The following RALGAPA2 variants were observed in gnomAD, a reference collection of about 807,000 sequenced individuals.
The protein encoded by RALGAPA2 is ral GTPase-activating protein subunit alpha-2.
RALGAPA2 carries 139 observed loss-of-function variants against 230.4 expected under a neutral mutation model. The ratio of observed to expected loss-of-function variants is 0.60; its 90% confidence interval spans 0.53 to 0.69. The LOEUF (loss-of-function observed/expected upper bound fraction) is 0.69, where lower values mean the gene tolerates loss of function less well. RALGAPA2 is among the 30% of genes least tolerant of loss of function. The pLI is 0.00. For missense variants in RALGAPA2, 2,163 were observed against 2,276.0 expected, an observed-to-expected ratio of 0.95 and a Z score of 1.01; for synonymous variants, 847 against 837.8, an observed-to-expected ratio of 1.01 and a Z score of -0.19.
chr20:20,657,576 T>G (rs2067632071), intron 3 of RALGAPA2, among the ~76,000 whole-genome samples: 1 of 152,214 alleles, frequency 6.6e-6, no homozygotes, highest in Non-Finnish European at 1.5e-5. Context: ...TACTGGCAGT[T>G]TCTCAACAGC....
chr20:20,637,576 T>C, intron 7 of RALGAPA2, 75 bp from the exon 8 acceptor site: 2 of 1,292,218 alleles, frequency 1.5e-6, no homozygotes, highest in Non-Finnish European at 2.1e-6. Flanking sequence ...GAAGTGTTGT[T>C]ATGTTACTAA....
chr20:20,638,763 A>T (rs2066938238), intron 7 of RALGAPA2, among the ~76,000 whole-genome samples: 1 of 152,236 alleles, frequency 6.6e-6, no homozygotes, highest in Non-Finnish European at 1.5e-5. Context: ...AGCATGCCCC[A>T]GTCAGGTTCT....
intron 15 of RALGAPA2, among the ~76,000 whole-genome samples, chr20:20,602,361 C>G (rs973551138): frequency 6.6e-6 from 1 of 152,202 alleles, no homozygotes; most frequent in Non-Finnish European, 1.5e-5. Flanking sequence ...ATACAAAATC[C>G]TATTTTAGCA....
intron 36 of RALGAPA2, among the ~76,000 whole-genome samples, chr20:20,474,852 T>C (rs1439037155): frequency 1.3e-5 from 2 of 152,176 alleles, no homozygotes; most frequent in African/African-American, 4.8e-5. Flanking sequence ...AGGCCTAGGT[T>C]GAAGCTGTTC....
At chr20:20,527,607 C>A (rs1257851129) in intron 27 of RALGAPA2, among the ~76,000 whole-genome samples, 1 of 151,974 alleles carries the variant, frequency 6.6e-6, no homozygotes, top group Non-Finnish European at 1.5e-5. Flanking sequence ...TCCCCCCACA[C>A]CCCCAAGAGC....
At chr20:20,573,211 G>A (rs2064706919) in intron 20 of RALGAPA2, 143 bp from the exon 21 acceptor site, 3 of 727,490 alleles carry the variant, frequency 4.1e-6, no homozygotes, top group East Asian at 5.7e-5. Flanking sequence ...TAAAAGGAGA[G>A]AAAAGCAGGA....
chr20:20,585,127 A>C (rs16981997), intron 18 of RALGAPA2, among the ~76,000 whole-genome samples, 172 bp from the exon 19 acceptor site: 171 of 152,166 alleles, frequency 1.1e-3, no homozygotes, highest in African/African-American at 3.6e-3. Flanking sequence ...ATTTAATTTT[A>C]TGTTACTCAA....
chr20:20,712,301 T>C lies in RALGAPA2; in HGVS notation c.106+74A>G. 1 of 754,960 alleles carries C rather than the reference T, an allele frequency of 1.3e-6. No individual in the cohort carries two copies. Among genetic ancestry groups the C allele is most frequent in the Non-Finnish European group, 2.0e-6 (1 of 506,502 alleles). 46.8% of individuals were successfully genotyped at this position (754,960 alleles called of 1,614,324 possible). A position where few individuals can be genotyped will look rare whatever the true frequency, so the allele number is the denominator to read the frequency against. ...CCCCAGCCTCCCAGCCACCGACCCC[T>C]GCACAGAGGAGCGCCCTCCCGGCAG... On this transcript the variant is annotated intron_variant, in intron 1 of 39. Coordinates refer to ENST00000202677, the MANE Select transcript of RALGAPA2 (RefSeq NM_020343.4). This position sits in a 1 kb window ranked among gnomAD's most constrained non-coding sequence, Gnocchi z 5.5.
chr20:20,469,368 AT>A (rs2061491324), intron 37 of RALGAPA2, among the ~76,000 whole-genome samples: 1 of 152,232 alleles, frequency 6.6e-6, no homozygotes, highest in Admixed American at 6.5e-5. Flanking sequence ...TCGTAGCAGA[AT>A]TTAGCAATGA....
At chr20:20,566,285 T>C (rs1443510285) in intron 23 of RALGAPA2, among the ~76,000 whole-genome samples, 1 of 152,120 alleles carries the variant, frequency 6.6e-6, no homozygotes, top group South Asian at 2.1e-4. Context: ...AGAGGCTCAT[T>C]GGGTGGGGTG....
At chr20:20,439,832 T>C (rs949690508) in intron 37 of RALGAPA2, among the ~76,000 whole-genome samples, 15 of 152,242 alleles carry the variant, frequency 9.9e-5, no homozygotes, top group African/African-American at 3.6e-4. Context: ...AGCTGTAATT[T>C]TACTTCTGCA....
chr20:20,572,399 C>T lies in RALGAPA2; in HGVS notation c.2902-453G>A, dbSNP rs143546897. On this transcript the variant is annotated intron_variant, in intron 21 of 39. Transcript: ENST00000202677. ...AGAGGGTTGCAGTGAGCCAAGATGG[C>T]GCCACTGCACTCCAGCCTGGGCGAC... Among the ~76,000 whole-genome samples, 1,115 of 150,458 alleles carry T rather than the reference C, an allele frequency of 7.4e-3. 11 individuals are homozygous for T. Among genetic ancestry groups the T allele is most frequent in the African/African-American group, 0.026 (1,066 of 40,932 alleles).
At chr20:20,512,249 AC>A (rs1196079325) in intron 32 of RALGAPA2, among the ~76,000 whole-genome samples, 1 of 151,594 alleles carries the variant, frequency 6.6e-6, no homozygotes, top group Non-Finnish European at 1.5e-5. Context: ...ATACACACAC[AC>A]ACACACACAC....
At chr20:20,447,852 T>A (rs2060899609) in intron 37 of RALGAPA2, among the ~76,000 whole-genome samples, 1 of 152,164 alleles carries the variant, frequency 6.6e-6, no homozygotes, top group Non-Finnish European at 1.5e-5. Flanking sequence ...CTGCCCCGCA[T>A]CCTCAGTGTA....
At chr20:20,447,354 A>G (rs901996707) in intron 37 of RALGAPA2, among the ~76,000 whole-genome samples, 6 of 152,242 alleles carry the variant, frequency 3.9e-5, no homozygotes, top group African/African-American at 1.2e-4. Flanking sequence ...ACTGGGCACA[A>G]TGCCCAGAGA....
At chr20:20,458,701 T>TAC (rs374936288) in intron 37 of RALGAPA2, among the ~76,000 whole-genome samples, 3 of 133,936 alleles carry the variant, frequency 2.2e-5, no homozygotes, top group South Asian at 4.6e-4. Context: ...TATATATATA[T>TAC]ACACACACAC....
At chr20:20,662,558 A>G (rs1292526400) in intron 3 of RALGAPA2, among the ~76,000 whole-genome samples, 34 of 152,228 alleles carry the variant, frequency 2.2e-4, no homozygotes, top group Non-Finnish European at 4.4e-5. Context: ...TTACATAATG[A>G]AATTATCACC....
chr20:20,652,903 T>C (rs1042414317), intron 4 of RALGAPA2, among the ~76,000 whole-genome samples: 14 of 152,054 alleles, frequency 9.2e-5, no homozygotes, highest in Admixed American at 2.0e-4. Flanking sequence ...AGAACAAGAA[T>C]TCTCTTGGCT....
chr20:20,412,551 C>T (rs1451760400), intron 37 of RALGAPA2, among the ~76,000 whole-genome samples: 2 of 152,116 alleles, frequency 1.3e-5, no homozygotes, highest in African/African-American at 2.4e-5. Context: ...TGAGTTGATA[C>T]TTCAAGCAAC....
Sources: gnomAD v4.1 joint callset for allele counts (sites outside exome capture counted in the v4.1 genomes callset) on GRCh38, gnomAD v4.1.1 for gene constraint, Gnocchi (gnomAD v3.1) non-coding constraint, MANE v1.5 for transcripts, NCBI Gene and HGNC (gene_info 2026-07-23, HGNC 2026-07-21) for gene names.